Variants in CCDC102B observed in about 807,000 individuals in gnomAD.
CCDC102B encodes the protein coiled-coil domain-containing protein 102B.
In CCDC102B, 75 loss-of-function variants were observed where a neutral mutation model predicts 57.4. The ratio of observed to expected loss-of-function variants is 1.31; its 90% confidence interval spans 1.08 to 1.58. The LOEUF (loss-of-function observed/expected upper bound fraction) is 1.58, where lower values mean the gene tolerates loss of function less well. CCDC102B is among the 40% of genes most tolerant of loss of function. The probability of loss-of-function intolerance (pLI) is 0.00; values close to 1 mark genes in which losing one functional copy is unlikely to be tolerated. For synonymous variants in CCDC102B, 206 were observed against 201.9 expected (o/e 1.02, Z -0.17); for missense variants, 636 against 582.6 (o/e 1.09, Z -0.94).
intron 1 of CCDC102B, among the ~76,000 whole-genome samples, chr18:68,803,113 G>T (rs547154811): frequency 6.6e-6 from 1 of 152,152 alleles, no homozygotes; most frequent in Non-Finnish European, 1.5e-5. Flanking sequence ...GCCTATAAGC[G>T]TTTAATATCT....
chr18:68,935,390 T>A (rs1362697631), intron 6 of CCDC102B, among the ~76,000 whole-genome samples: 1 of 151,968 alleles, frequency 6.6e-6, no homozygotes, highest in Non-Finnish European at 1.5e-5. Context: ...ATTAATGATA[T>A]AGAAATGAAT....
At chr18:69,055,869 G>A (rs554482170), downstream of CCDC102B, among the ~76,000 whole-genome samples, 11 of 151,994 alleles carry the variant, frequency 7.2e-5, no homozygotes, top group African/African-American at 2.7e-4. Context: ...CAGAACCCAC[G>A]AGGGATGGGT....
intron 6 of CCDC102B, among the ~76,000 whole-genome samples, chr18:68,915,424 G>T (rs1331099288): frequency 3.3e-5 from 5 of 152,066 alleles, no homozygotes; most frequent in Non-Finnish European, 7.4e-5. Flanking sequence ...TAAATATATG[G>T]TTTATTTGGC....
At chr18:68,976,252 A>G (rs1440260013) in intron 6 of CCDC102B, among the ~76,000 whole-genome samples, 1 of 152,062 alleles carries the variant, frequency 6.6e-6, no homozygotes, top group Non-Finnish European at 1.5e-5. Context: ...AAGTGTCAAT[A>G]TTAGAAAATT....
intron 6 of CCDC102B, among the ~76,000 whole-genome samples, chr18:68,956,339 A>AATATATATAAAATATATAAT (rs1183404341): frequency 6.0e-5 from 5 of 83,350 alleles, no homozygotes; most frequent in African/African-American, 2.8e-4. Flanking sequence ...TATTATATAT[A>AATATATATAAAATATATAAT]ATATATATAT....
chr18:68,926,012 T>C (rs943678806), intron 6 of CCDC102B, among the ~76,000 whole-genome samples: 1 of 151,938 alleles, frequency 6.6e-6, no homozygotes, highest in Non-Finnish European at 1.5e-5. Flanking sequence ...TGGAGTTTTC[T>C]CCACCAGGGA....
intron 2 of CCDC102B, among the ~76,000 whole-genome samples, chr18:68,733,602 A>G (rs1340367783): frequency 1.3e-5 from 2 of 151,114 alleles, no homozygotes; most frequent in East Asian, 3.9e-4. Flanking sequence ...GTTTTATTGC[A>G]ATAAACCCTT....
chr18:68,787,527 A>T (rs966870172), intron 2 of CCDC102B, among the ~76,000 whole-genome samples: 1 of 151,354 alleles, frequency 6.6e-6, no homozygotes, highest in Non-Finnish European at 1.5e-5. Flanking sequence ...GTCTATTCAG[A>T]GATTCAACTT....
intron 2 of CCDC102B, among the ~76,000 whole-genome samples, chr18:68,746,324 G>T (rs113191731): frequency 6.6e-6 from 1 of 152,066 alleles, no homozygotes; most frequent in Admixed American, 6.5e-5. Context: ...GATTACTAAA[G>T]AAAACAGTTC....
chr18:68,939,802 A>G (rs1333497177), intron 6 of CCDC102B, among the ~76,000 whole-genome samples: 1 of 151,742 alleles, frequency 6.6e-6, no homozygotes, highest in East Asian at 1.9e-4. Context: ...ACCACAATCC[A>G]CTCAACATGC....
In CCDC102B at chr18:68,827,684, G is replaced by A. The variant is rs553741366; in HGVS notation, c.-15-9065G>A. Among the ~76,000 whole-genome samples the A allele has an allele frequency of 3.9e-5, 6 of 152,040 alleles. No homozygotes were observed. The South Asian group carries it at 6.2e-4, about 16-fold the overall frequency. Reference sequence around the variant, plus strand: ...GTAAATGTAAATGGCCTAAATAGACGAGGTAGAAGTCAGAGATTGGCAGGG... The same window carrying A: ...GTAAATGTAAATGGCCTAAATAGACAAGGTAGAAGTCAGAGATTGGCAGGG... On this transcript the variant is annotated intron_variant, in intron 1 of 7. Transcript: ENST00000360242.
chr18:68,826,251 C>T (rs2036898211), intron 1 of CCDC102B, among the ~76,000 whole-genome samples: 1 of 152,202 alleles, frequency 6.6e-6, no homozygotes, highest in Non-Finnish European at 1.5e-5. Flanking sequence ...AGGCGTCAGC[C>T]AGATCTGCAG....
intron 2 of CCDC102B, among the ~76,000 whole-genome samples, chr18:68,747,589 A>G (rs2145236811): frequency 6.6e-6 from 1 of 152,198 alleles, no homozygotes; most frequent in South Asian, 2.1e-4. Context: ...TGGCTATTAT[A>G]GACACTTTAT....
chr18:68,836,181 T>A (rs2037358621), intron 1 of CCDC102B, among the ~76,000 whole-genome samples: 1 of 152,208 alleles, frequency 6.6e-6, no homozygotes, highest in Non-Finnish European at 1.5e-5. Flanking sequence ...ATTGTCAAAA[T>A]GAATTATTTA....
chr18:68,794,117 A>G (rs558745577), upstream of CCDC102B, among the ~76,000 whole-genome samples: 20 of 152,234 alleles, frequency 1.3e-4, 1 homozygote, highest in East Asian at 9.7e-4. Context: ...CAGTGGCTTC[A>G]CCAGATTAAG....
intron 6 of CCDC102B, among the ~76,000 whole-genome samples, chr18:68,911,542 G>A (rs1253395099): frequency 6.7e-6 from 1 of 150,190 alleles, no homozygotes; most frequent in Non-Finnish European, 1.5e-5. Flanking sequence ...CACGAGGTCA[G>A]GAGATCGAGA....
At chr18:68,902,498 T>A (rs1438011096) in intron 6 of CCDC102B, among the ~76,000 whole-genome samples, 2 of 152,190 alleles carry the variant, frequency 1.3e-5, no homozygotes, top group Non-Finnish European at 2.9e-5. Context: ...GCAACCTCTT[T>A]ATAGATATAT....
intron 6 of CCDC102B, among the ~76,000 whole-genome samples, chr18:68,958,226 A>T (rs1344567616): frequency 6.6e-6 from 1 of 152,200 alleles, no homozygotes; most frequent in African/African-American, 2.4e-5. Flanking sequence ...GCAATTCAAG[A>T]TGAGATTTGG....
At chr18:68,952,002 T>C (rs985630229) in intron 6 of CCDC102B, among the ~76,000 whole-genome samples, 5 of 152,142 alleles carry the variant, frequency 3.3e-5, no homozygotes, top group African/African-American at 9.6e-5. Context: ...AAATAAATTC[T>C]AAAGAATACT....
Sources: allele counts gnomAD v4.1 joint callset (sites outside exome capture counted in the v4.1 genomes callset), GRCh38; gene constraint gnomAD v4.1.1; transcripts MANE v1.5; gene names NCBI Gene and HGNC (gene_info 2026-07-23, HGNC 2026-07-21).